GABRB1: variants seen among roughly 807,000 people sequenced by gnomAD.
GABRB1 encodes the protein gamma-aminobutyric acid receptor subunit beta-1.
A neutral mutation model predicts 51.6 loss-of-function variants in GABRB1; 17 were observed. The ratio of observed to expected loss-of-function variants is 0.33; its 90% CI spans 0.23 to 0.49. The LOEUF is 0.49. Ranked by LOEUF, GABRB1 falls within the 20% of genes least tolerant of loss-of-function variation. The pLI, the probability that GABRB1 is intolerant of heterozygous loss-of-function variation, is 0.99. For synonymous variants in GABRB1, 247 were observed against 218.9 expected (o/e 1.13, Z -1.14); for missense variants, 410 against 600.6 (o/e 0.68, Z 3.32).
At chr4:47,179,941 A>G (rs1465640743) in intron 4 of GABRB1, among the ~76,000 whole-genome samples, 2 of 152,102 alleles carry the variant, frequency 1.3e-5, no homozygotes, top group Non-Finnish European at 2.9e-5. Flanking sequence ...ATATTCATCC[A>G]TTAAGATAAG....
At chr4:47,075,553 A>T (rs1727509498) in intron 3 of GABRB1, among the ~76,000 whole-genome samples, 2 of 152,200 alleles carry the variant, frequency 1.3e-5, no homozygotes, top group Non-Finnish European at 2.9e-5. Flanking sequence ...GCCTCCAGCC[A>T]GTCTGCTTAT....
intron 1 of GABRB1, among the ~76,000 whole-genome samples, chr4:47,020,326 G>T (rs765841996): frequency 3.3e-4 from 50 of 152,052 alleles, no homozygotes; most frequent in Non-Finnish European, 6.2e-4. Context: ...TTATGAATTT[G>T]GGGGGAACAA....
intron 4 of GABRB1, among the ~76,000 whole-genome samples, chr4:47,276,364 T>G (rs1197659274): frequency 6.6e-6 from 1 of 152,152 alleles, no homozygotes; most frequent in East Asian, 1.9e-4. Flanking sequence ...TCAATAATCT[T>G]TCAGGGAAGC....
At chr4:47,174,624 T>C (rs953654277) in intron 4 of GABRB1, among the ~76,000 whole-genome samples, 2 of 152,024 alleles carry the variant, frequency 1.3e-5, no homozygotes. Flanking sequence ...TTAGATGATT[T>C]TTTTTTTACT....
intron 4 of GABRB1, among the ~76,000 whole-genome samples, chr4:47,197,781 A>G (rs1719746680): frequency 6.6e-6 from 1 of 152,174 alleles, no homozygotes. Flanking sequence ...TCTTTTGTTC[A>G]TTCATACTCT....
At chr4:47,069,271 T>C (rs1727212708) in intron 3 of GABRB1, among the ~76,000 whole-genome samples, 1 of 152,222 alleles carries the variant, frequency 6.6e-6, no homozygotes. Flanking sequence ...TGATTATATA[T>C]TTTGAAATAT....
chr4:47,244,000 C>G (rs1177381257), intron 4 of GABRB1, among the ~76,000 whole-genome samples: 3 of 152,046 alleles, frequency 2.0e-5, no homozygotes, highest in Admixed American at 6.6e-5. Context: ...TGCCCATTCA[C>G]TATGATATTG....
chr4:47,236,263 C>T (rs1230379949), intron 4 of GABRB1, among the ~76,000 whole-genome samples: 5 of 151,986 alleles, frequency 3.3e-5, no homozygotes, highest in Non-Finnish European at 7.4e-5. Flanking sequence ...CTTTGCTATA[C>T]ATTAAAGACA....
At chr4:47,226,273 G>A (rs1442108) in intron 4 of GABRB1, among the ~76,000 whole-genome samples, 54,171 of 151,960 alleles carry the variant, frequency 0.36, 10,072 homozygotes, top group African/African-American at 0.42. Flanking sequence ...TAAATATGAA[G>A]TGCAAGATGG....
At chr4:47,393,271 T>A (rs548980436) in intron 5 of GABRB1, among the ~76,000 whole-genome samples, 12 of 152,324 alleles carry the variant, frequency 7.9e-5, no homozygotes, top group African/African-American at 2.9e-4. Flanking sequence ...TACTTCAGTG[T>A]TTTGACTGCA....
chr4:47,411,673 G>C (rs191317594), intron 8 of GABRB1, among the ~76,000 whole-genome samples: 15 of 152,260 alleles, frequency 9.9e-5, no homozygotes, highest in Non-Finnish European at 1.9e-4. Flanking sequence ...TCCTGACTTT[G>C]ATATTATATC....
chr4:47,113,121 C>T (rs4695191), intron 3 of GABRB1, among the ~76,000 whole-genome samples: 48,384 of 152,010 alleles, frequency 0.32, 8,074 homozygotes, highest in Middle Eastern at 0.45. Flanking sequence ...TGCAGTGGTT[C>T]GCGCCTGTAA....
chr4:47,013,352 G>T (rs980042066), intron 1 of GABRB1, among the ~76,000 whole-genome samples: 27 of 152,106 alleles, frequency 1.8e-4, no homozygotes, highest in Non-Finnish European at 3.4e-4. Flanking sequence ...TAGAGGCAGG[G>T]TTTCACCATG....
At chr4:47,389,476 A>T (rs906312253) in intron 5 of GABRB1, among the ~76,000 whole-genome samples, 18 of 152,366 alleles carry the variant, frequency 1.2e-4, no homozygotes, top group Admixed American at 1.0e-3. Flanking sequence ...ACTACCGAGC[A>T]GACTCAGAAA....
Position 47,116,167 on chromosome 4 carries a change from C to T in GABRB1, c.241-45082C>T, listed in dbSNP as rs150524493. ...AATAAATTGTCAAGTTTGGTACACT[C>T]TACAACTAGTTACTTAATGCAGTAT... is the stretch of plus-strand genomic sequence containing the variant. On this transcript the variant is annotated intron_variant, in intron 3 of 8. Transcript: ENST00000295454. 9.2e-3 allele frequency among the ~76,000 whole-genome samples: 1,406 copies of T among 152,216 alleles called. 9 individuals are homozygous for T. The highest frequency in any genetic ancestry group is 0.014 in the Non-Finnish European group (930 of 68,000).
intron 4 of GABRB1, among the ~76,000 whole-genome samples, chr4:47,242,627 C>G (rs1298764712): frequency 6.6e-6 from 1 of 152,236 alleles, no homozygotes; most frequent in Non-Finnish European, 1.5e-5. Context: ...TTACATTTCT[C>G]TGATGGCCAG....
intron 3 of GABRB1, among the ~76,000 whole-genome samples, chr4:47,120,198 T>TATATACATGC (rs564003745): frequency 1.4e-3 from 218 of 152,314 alleles, no homozygotes; most frequent in African/African-American, 5.0e-3. Context: ...TATATCCATA[T>TATATACATGC]ATATACACAT....
In GABRB1 at chr4:47,153,377, G is replaced by C. The variant is rs375545650; in HGVS notation, c.241-7872G>C. Among the ~76,000 whole-genome samples the C allele has an allele frequency of 5.3e-5, 8 of 152,154 alleles. No homozygotes were observed. The East Asian group carries it at 1.5e-3, about 29-fold the overall frequency. On this transcript the variant is annotated intron_variant, in intron 3 of 8. Transcript: ENST00000295454. ...AACAACAAAAACTATTTGAGCTTCTGATTATTTAGATTCTTGAATGTAAGC... is the reference window on the plus strand; with the variant it reads ...AACAACAAAAACTATTTGAGCTTCTCATTATTTAGATTCTTGAATGTAAGC...
chr4:46,994,184 G>T (rs935482084), intron 1 of GABRB1: 1 of 152,166 alleles, frequency 6.6e-6, no homozygotes. Flanking sequence ...AAGTGGACTC[G>T]AGCCGCACTC....
Sources: allele counts gnomAD v4.1 joint callset (sites outside exome capture counted in the v4.1 genomes callset), GRCh38; gene constraint gnomAD v4.1.1; transcripts MANE v1.5; gene names NCBI Gene and HGNC (gene_info 2026-07-23, HGNC 2026-07-21).